LARP4: variants seen among roughly 807,000 people sequenced by gnomAD.
LARP4 encodes the protein la-related protein 4.
LARP4 carries 29 observed loss-of-function variants against 92.9 expected under a neutral mutation model. The observed-to-expected ratio is 0.31, with a 90% CI of 0.23 to 0.43. The LOEUF (loss-of-function observed/expected upper bound fraction) is 0.43. LARP4 is among the 20% of genes least tolerant of loss of function. The probability of loss-of-function intolerance (pLI) is 1.00; values close to 1 mark genes in which losing one functional copy is unlikely to be tolerated. For missense variants in LARP4, 732 were observed against 860.0 expected, an observed-to-expected ratio of 0.85 and a Z score of 1.86; for synonymous variants, 279 against 284.1, an observed-to-expected ratio of 0.98 and a Z score of 0.18.
intron 1 of LARP4, 69 bp downstream of exon 1, chr12:50,401,097 AC>A: frequency 1.9e-6 from 3 of 1,579,506 alleles, no homozygotes; most frequent in Non-Finnish European, 8.7e-7. Context: ...GGCCGGTCCC[AC>A]CGCCATGTGA....
chr12:50,425,631 T>G (rs1161615500), intron 1 of LARP4, among the ~76,000 whole-genome samples: 2 of 152,126 alleles, frequency 1.3e-5, no homozygotes, highest in Non-Finnish European at 2.9e-5. Context: ...TCATCATCTC[T>G]TATTGTCACC....
chr12:50,473,812 G>T (rs1957217872), intron 14 of LARP4, among the ~76,000 whole-genome samples, 187 bp from the exon 15 acceptor site: 3 of 134,456 alleles, frequency 2.2e-5, no homozygotes, highest in East Asian at 4.9e-4. Context: ...TGGGTGGGGG[G>T]GTGGGGGGGG....
intron 8 of LARP4, among the ~76,000 whole-genome samples, chr12:50,446,438 T>A (rs1450665527): frequency 1.1e-5 from 1 of 92,666 alleles, no homozygotes; most frequent in African/African-American, 4.4e-5. Context: ...TATTTTTTTT[T>A]TTTTTTATAG....
chr12:50,445,618 A>G (rs965691479), intron 8 of LARP4, among the ~76,000 whole-genome samples: 1 of 151,448 alleles, frequency 6.6e-6, no homozygotes. Context: ...TCTTCAACCT[A>G]TTTTTGTTGT....
rs761262799 is a variant in LARP4, at chr12:50,441,650, A to C, written c.804+7A>C. 1 of 1,589,888 alleles carries C rather than the reference A, an allele frequency of 6.3e-7. No homozygotes were observed. Among genetic ancestry groups the C allele is most frequent in the Middle Eastern group, 1.7e-4 (1 of 6,016 alleles). On this transcript the variant is annotated splice_region_variant and intron_variant, in intron 8 of 15. Transcript: ENST00000398473. ...TCAGGGCAAGCCAATTATGGTAAGA[A>C]ATAGAGATCAGTGTGAAACCAGAAC...
intron 13 of LARP4, among the ~76,000 whole-genome samples, chr12:50,467,729 A>C (rs1164028007): frequency 1.3e-5 from 2 of 152,230 alleles, no homozygotes; most frequent in Non-Finnish European, 1.5e-5. Context: ...ATTCTTTCAA[A>C]CAATGGAAAG....
chr12:50,464,685 G>A (rs2138818645), intron 12 of LARP4, among the ~76,000 whole-genome samples: 1 of 143,672 alleles, frequency 7.0e-6, no homozygotes, highest in Middle Eastern at 4.5e-3. Flanking sequence ...GAGCCATCGT[G>A]CCTGACCAAC....
intron 1 of LARP4, among the ~76,000 whole-genome samples, chr12:50,424,486 G>C (rs12425071): frequency 0.04 from 6,087 of 151,902 alleles, 182 homozygotes; most frequent in Non-Finnish European, 0.061. Context: ...AGCCTCCCCA[G>C]TAGCTGGGAT....
intron 8 of LARP4, among the ~76,000 whole-genome samples, chr12:50,445,896 G>T (rs1019758095): frequency 6.6e-6 from 1 of 151,826 alleles, no homozygotes; most frequent in Admixed American, 6.6e-5. Flanking sequence ...CTGACATCTG[G>T]GTCATCTTGG....
chr12:50,477,034 G>A lies in LARP4; in HGVS notation c.*1170G>A, dbSNP rs1358474404. ...AGAAGTAAAAAAATTTTTTTTAAAG[G>A]CTTAATTTGGGAGGGGGGACTTATT... On this transcript the variant is annotated 3_prime_UTR_variant, in exon 16 of 16. Transcript: ENST00000398473. 2.0e-5 allele frequency: 3 copies of A among 152,278 alleles called. No homozygotes were observed. Among genetic ancestry groups the A allele is most frequent in the African/African-American group, 7.3e-5 (3 of 41,364 alleles). 9.4% of individuals were successfully genotyped at this position (152,278 alleles called of 1,614,324 possible).
At chr12:50,419,715 A>G (rs1455176064) in intron 1 of LARP4, among the ~76,000 whole-genome samples, 1 of 152,072 alleles carries the variant, frequency 6.6e-6, no homozygotes, top group African/African-American at 2.4e-5. Context: ...AAGACTGGCT[A>G]GACAACATAG....
chr12:50,441,389 T>C (rs1218537923), intron 7 of LARP4: 2 of 414,508 alleles, frequency 4.8e-6, no homozygotes, highest in Non-Finnish European at 8.7e-6. Context: ...CAGTAATCCA[T>C]GGTGGCTTTT....
intron 8 of LARP4, among the ~76,000 whole-genome samples, chr12:50,443,036 A>C (rs1225447617): frequency 6.6e-6 from 1 of 152,194 alleles, no homozygotes; most frequent in Admixed American, 6.5e-5. Context: ...ATAGCTTTAA[A>C]GTTTTAAAGT....
intron 10 of LARP4, among the ~76,000 whole-genome samples, chr12:50,456,860 C>T (rs1208901066): frequency 1.3e-5 from 2 of 152,184 alleles, no homozygotes; most frequent in Admixed American, 6.5e-5. Context: ...ATTTTCTAAA[C>T]ATATGCAAAT....
intron 2 of LARP4, among the ~76,000 whole-genome samples, chr12:50,428,116 C>T (rs1470501569): frequency 6.6e-6 from 1 of 151,874 alleles, no homozygotes; most frequent in African/African-American, 2.4e-5. Context: ...CTGCCTCAGC[C>T]TCCCGGGTGG....
intron 15 of LARP4, 25 bp from the exon 16 acceptor site, chr12:50,475,501 G>T (rs752031216): frequency 1.3e-6 from 2 of 1,505,434 alleles, no homozygotes; most frequent in South Asian, 1.2e-5. Flanking sequence ...TACCATAAAT[G>T]TTTTTTTTTA....
rs1426952752 is a variant in LARP4 at position 50,426,737 on chromosome 12, T to G, written c.19-1025T>G. On this transcript the variant is annotated intron_variant, in intron 1 of 15. Transcript: ENST00000398473. ...TGTGTGTGTGTGTGTGTGTGGTTTT[T>G]TTTTTTTTTTTTTTCTTTTTTGAGA... Among the ~76,000 whole-genome samples, 14 of 132,720 alleles carry G rather than the reference T, an allele frequency of 1.1e-4. No homozygotes were observed. In the East Asian group the frequency reaches 1.4e-3, roughly 13 times the overall value. 87.1% of individuals were successfully genotyped at this position (132,720 alleles called of 152,430 possible).
At chr12:50,473,807 GGGGGGGT>G (rs1957215266) in intron 14 of LARP4, among the ~76,000 whole-genome samples, 185 bp from the exon 15 acceptor site, 1 of 125,440 alleles carries the variant, frequency 8.0e-6, no homozygotes, top group African/African-American at 3.1e-5. Flanking sequence ...GGGGGTGGGT[GGGGGGGT>G]GGGGGGGGTG....
intron 10 of LARP4, 169 bp downstream of exon 10, chr12:50,454,586 A>G: frequency 2.2e-6 from 1 of 463,850 alleles, no homozygotes. Flanking sequence ...TCGTAAAAAC[A>G]CTTTGACCTT....
Sources: gnomAD v4.1 joint callset for allele counts (sites outside exome capture counted in the v4.1 genomes callset) on GRCh38, gnomAD v4.1.1 for gene constraint, MANE v1.5 for transcripts, NCBI Gene and HGNC (gene_info 2026-07-23, HGNC 2026-07-21) for gene names.